UBE3D: variants seen among roughly 807,000 people sequenced by gnomAD.
UBE3D encodes the protein E3 ubiquitin-protein ligase E3D.
UBE3D carries 48 observed loss-of-function variants against 49.6 expected under a neutral mutation model. The observed-to-expected ratio is 0.97, with a 90% confidence interval of 0.77 to 1.23. The LOEUF (loss-of-function observed/expected upper bound fraction) is 1.23. UBE3D is among the 50% of genes most tolerant of loss of function. The probability of loss-of-function intolerance (pLI) is 0.00; values close to 1 mark genes in which losing one functional copy is unlikely to be tolerated. For synonymous variants in UBE3D, 189 were observed against 174.2 expected, an observed-to-expected ratio of 1.08 and a Z score of -0.67; for missense variants, 452 against 468.4, an observed-to-expected ratio of 0.96 and a Z score of 0.32.
At chr6:83,049,334 G>A (rs1183123684) in intron 3 of UBE3D, among the ~76,000 whole-genome samples, 1 of 20,536 alleles carries the variant, frequency 4.9e-5, no homozygotes, top group Non-Finnish European at 1.7e-4. Context: ...TATGGCTGCT[G>A]GAATTAGATA....
chr6:82,884,417 G>A, the UBE3D span, among the ~76,000 whole-genome samples: 2 of 152,040 alleles, frequency 1.3e-5, no homozygotes, highest in Admixed American at 6.6e-5. Context: ...TGATGCATAC[G>A]GGCACTCCAG....
intron 8 of UBE3D, among the ~76,000 whole-genome samples, chr6:82,969,243 T>TGGGGG (rs1777170657): frequency 7.5e-5 from 4 of 53,674 alleles, no homozygotes; most frequent in African/African-American, 1.4e-4. Flanking sequence ...GGGGGTGGGG[T>TGGGGG]GGGGTGGAAG....
At chr6:82,934,551 A>G (rs1181821223) in intron 9 of UBE3D, among the ~76,000 whole-genome samples, 1 of 152,090 alleles carries the variant, frequency 6.6e-6, no homozygotes, top group Non-Finnish European at 1.5e-5. Flanking sequence ...CTGCAAAACT[A>G]CCATGGGGGT....
At chr6:82,959,233 T>C (rs1271696587) in intron 8 of UBE3D, among the ~76,000 whole-genome samples, 1 of 151,416 alleles carries the variant, frequency 6.6e-6, no homozygotes, top group Admixed American at 6.6e-5. Context: ...TTTAAAAAGT[T>C]CCCCCACCCC....
intron 8 of UBE3D, among the ~76,000 whole-genome samples, chr6:82,988,243 C>T (rs1169346214): frequency 2.0e-5 from 3 of 152,072 alleles, no homozygotes; most frequent in African/African-American, 4.8e-5. Flanking sequence ...TGTGTTAATG[C>T]TTTATTTTTA....
intron 1 of UBE3D, among the ~76,000 whole-genome samples, chr6:83,063,410 T>G (rs1784296249): frequency 9.7e-6 from 1 of 103,006 alleles, no homozygotes; most frequent in East Asian, 2.6e-4. Flanking sequence ...CAAGACGCTG[T>G]CTAAAAAAAA....
chr6:83,039,361 T>C (rs1319323864), intron 4 of UBE3D, among the ~76,000 whole-genome samples: 1 of 152,220 alleles, frequency 6.6e-6, no homozygotes, highest in Non-Finnish European at 1.5e-5. Context: ...GTGTATTTAA[T>C]CTAAGGAAAA....
intron 5 of UBE3D, chr6:83,032,385 A>C (rs1781940923): frequency 4.7e-6 from 2 of 423,068 alleles, no homozygotes; most frequent in East Asian, 7.2e-5. Context: ...TCAGACTTGC[A>C]TGGGGCCTTT....
intron 8 of UBE3D, among the ~76,000 whole-genome samples, chr6:83,002,445 G>C (rs1224222216): frequency 1.3e-5 from 2 of 152,172 alleles, no homozygotes; most frequent in Non-Finnish European, 2.9e-5. Flanking sequence ...AGCACTTTGG[G>C]AGGCCAAGGT....
At chr6:83,020,018 G>T (rs6926954) in intron 7 of UBE3D, among the ~76,000 whole-genome samples, 97,349 of 152,106 alleles carry the variant, frequency 0.64, 31,989 homozygotes, top group East Asian at 0.78. Flanking sequence ...GCTGGGAATG[G>T]GTGCATCAAC....
At chr6:82,887,152 A>AAAAAAAT in the UBE3D span, among the ~76,000 whole-genome samples, 1 of 134,778 alleles carries the variant, frequency 7.4e-6, no homozygotes, top group South Asian at 2.3e-4. Context: ...AAAAATACCA[A>AAAAAAAT]AAAAAATAAA....
chr6:82,926,829 C>T (rs1327923998), intron 9 of UBE3D, among the ~76,000 whole-genome samples: 4 of 151,928 alleles, frequency 2.6e-5, no homozygotes, highest in Non-Finnish European at 5.9e-5. Context: ...TCTATAGTGT[C>T]TTTTGCAAAG....
chr6:82,887,396 T>TTTGTTTTGTTTTTTTG (rs1562053891), downstream of UBE3D, among the ~76,000 whole-genome samples: 2 of 145,850 alleles, frequency 1.4e-5, no homozygotes, highest in East Asian at 4.0e-4. Flanking sequence ...ACAGTTTTTT[T>TTTGTTTTGTTTTTTTG]TTTTTTTTTT....
intron 5 of UBE3D, among the ~76,000 whole-genome samples, chr6:83,027,602 A>G (rs1000347200): frequency 6.6e-6 from 1 of 152,054 alleles, no homozygotes; most frequent in South Asian, 2.1e-4. Context: ...CACATTGGCA[A>G]TATTGTTCTA....
rs1470393363 is a variant in UBE3D, at chr6:83,022,599, CATA to C, written c.738-41_738-39del. 3 of 1,454,964 alleles carry C rather than the reference CATA, an allele frequency of 2.1e-6. No individual in the cohort carries two copies. In the Admixed American group the frequency reaches 7.3e-5, roughly 35 times the overall value. 90.1% of individuals were successfully genotyped at this position (1,454,964 alleles called of 1,614,324 possible). A position where few individuals can be genotyped will look rare whatever the true frequency, so the allele number is the denominator to read the frequency against. On this transcript the variant is annotated intron_variant, in intron 6 of 9. Coordinates refer to ENST00000369747, the MANE Select transcript of UBE3D (RefSeq NM_198920.3). ...AAATCAATTTTTACAATGTGTATCT[CATA>C]ATAACTCTAACTGGCAAGATAAGCA...
At chr6:83,017,683 C>T (rs776093951) in intron 8 of UBE3D, 4 of 152,016 alleles carry the variant, frequency 2.6e-5, no homozygotes, top group Non-Finnish European at 5.9e-5. Context: ...ATTCATGATG[C>T]CTTTTTACAA....
intron 9 of UBE3D, among the ~76,000 whole-genome samples, chr6:82,928,366 T>G (rs1355442418): frequency 6.6e-6 from 1 of 152,092 alleles, no homozygotes; most frequent in East Asian, 1.9e-4. Context: ...TTGTATGTAT[T>G]ATAAAAAAGC....
Position 82,975,075 on chromosome 6 carries a change from G to T in UBE3D, c.1011-17625C>A, listed in dbSNP as rs572336725. On this transcript the variant is annotated intron_variant, in intron 8 of 9. Transcript: ENST00000369747. ...AATGATATCTAAAATATATAAACTT[G>T]CTTTAGTTTAATAAGATAAACACAC... 1.9e-4 allele frequency among the ~76,000 whole-genome samples: 29 copies of T among 151,894 alleles called. No homozygotes were observed. The South Asian group carries it at 5.2e-3, about 27-fold the overall frequency.
intron 9 of UBE3D, among the ~76,000 whole-genome samples, chr6:82,918,699 CTGGTCTTAAAACTTACAT>C (rs1181021950): frequency 1.3e-5 from 2 of 151,870 alleles, no homozygotes; most frequent in Non-Finnish European, 2.9e-5. Context: ...ATTGACCCTT[CTGGTCTTAAAACTTACAT>C]TGGTCTTATC....
Sources: allele counts gnomAD v4.1 joint callset (sites outside exome capture counted in the v4.1 genomes callset), GRCh38; gene constraint gnomAD v4.1.1; transcripts MANE v1.5; gene names NCBI Gene and HGNC (gene_info 2026-07-23, HGNC 2026-07-21).